The following DPP10 variants were observed in gnomAD, a reference collection of about 807,000 sequenced individuals.
DPP10 encodes dipeptidyl peptidase like 10, also known as inactive dipeptidyl peptidase 10.
Under a neutral mutation model 120.9 loss-of-function variants are expected in DPP10, and 33 were observed. The ratio of observed to expected loss-of-function variants is 0.27; its 90% CI spans 0.21 to 0.37. The LOEUF is 0.37. Ranked by LOEUF, DPP10 falls within the 10% of genes least tolerant of loss-of-function variation. DPP10 has a pLI of 1.00. For missense variants in DPP10, 816 were observed against 942.8 expected (o/e 0.87, Z 1.76); for synonymous variants, 337 against 326.1 (o/e 1.03, Z -0.36).
At chr2:114,697,081 T>C (rs1439654938) in intron 1 of DPP10, among the ~76,000 whole-genome samples, 1 of 152,104 alleles carries the variant, frequency 6.6e-6, no homozygotes, top group Non-Finnish European at 1.5e-5. Flanking sequence ...AGAATGATAG[T>C]GTACCTCCCG....
chr2:115,335,809 A>G (rs74483311), intron 2 of DPP10, among the ~76,000 whole-genome samples: 19 of 152,072 alleles, frequency 1.2e-4, no homozygotes, highest in Admixed American at 9.2e-4. Flanking sequence ...ACCATGGAAA[A>G]TGAAGAATAC....
chr2:114,890,102 T>C (rs1692418249), intron 1 of DPP10, among the ~76,000 whole-genome samples: 1 of 152,236 alleles, frequency 6.6e-6, no homozygotes, highest in Admixed American at 6.5e-5. Flanking sequence ...GAGACAAACA[T>C]GTTTAATGTT....
At chr2:114,812,128 T>C (rs550303541) in intron 1 of DPP10, among the ~76,000 whole-genome samples, 1 of 152,344 alleles carries the variant, frequency 6.6e-6, no homozygotes, top group South Asian at 2.1e-4. Context: ...CACCTACTTT[T>C]AATTTTTAAG....
At chr2:114,637,466 T>C (rs1695382266) in intron 1 of DPP10, among the ~76,000 whole-genome samples, 2 of 151,956 alleles carry the variant, frequency 1.3e-5, no homozygotes, top group Non-Finnish European at 2.9e-5. Flanking sequence ...TTTCAAGTGC[T>C]GTGCAGAAGC....
In DPP10 at chr2:114,901,531, G is replaced by T. The variant is rs564282449; in HGVS notation, c.61-407708G>T. Among the ~76,000 whole-genome samples the T allele has an allele frequency of 9.8e-5, 15 of 152,288 alleles. No individual in the cohort carries two copies. In the East Asian group the frequency reaches 2.9e-3, roughly 29 times the overall value. ...AACTCATTTTAAGAAGGGATGAGAT[G>T]CTGTTGAAGATGAAGCTCATAGTTC... On this transcript the variant is annotated intron_variant, in intron 1 of 25. Coordinates refer to ENST00000410059, the MANE Select transcript of DPP10 (RefSeq NM_020868.6).
chr2:115,258,046 A>G (rs551789940), intron 1 of DPP10, among the ~76,000 whole-genome samples: 10 of 152,176 alleles, frequency 6.6e-5, no homozygotes, highest in Non-Finnish European at 1.0e-4. Context: ...CCTTAAATGG[A>G]AACAGCTGTC....
At chr2:115,307,826 G>A (rs1295899791) in intron 1 of DPP10, among the ~76,000 whole-genome samples, 1 of 152,130 alleles carries the variant, frequency 6.6e-6, no homozygotes, top group Non-Finnish European at 1.5e-5. Flanking sequence ...CTCTAAAGCT[G>A]ATAATTTGGG....
intron 2 of DPP10, among the ~76,000 whole-genome samples, chr2:115,319,046 A>G (rs1204332062): frequency 6.6e-6 from 1 of 152,134 alleles, no homozygotes; most frequent in African/African-American, 2.4e-5. Context: ...GCTTGTTTAG[A>G]TAAAGATTCT....
chr2:114,545,346 G>A (rs967515414), intron 1 of DPP10, among the ~76,000 whole-genome samples: 6 of 151,850 alleles, frequency 4.0e-5, no homozygotes, highest in Admixed American at 6.6e-5. Flanking sequence ...AATTACACAT[G>A]TGGCTGACAC....
intron 1 of DPP10, among the ~76,000 whole-genome samples, chr2:114,683,547 C>CT (rs1699166819): frequency 6.8e-6 from 1 of 147,722 alleles, no homozygotes; most frequent in Admixed American, 6.8e-5. Flanking sequence ...TTCCTTCCTC[C>CT]CTCTCTCTCT....
At chr2:114,546,425 A>G (rs1225083157) in intron 1 of DPP10, among the ~76,000 whole-genome samples, 1 of 152,202 alleles carries the variant, frequency 6.6e-6, no homozygotes, top group East Asian at 1.9e-4. Flanking sequence ...CGAAAAAATC[A>G]TGATCCAATC....
intron 4 of DPP10, among the ~76,000 whole-genome samples, chr2:115,508,191 T>C (rs34003104): frequency 0.21 from 32,259 of 152,072 alleles, 3,931 homozygotes; most frequent in East Asian, 0.39. Context: ...TTAACAAATT[T>C]ATAATAAATA....
rs1185036985 is a variant in DPP10, at chr2:115,081,441, A to G, written c.61-227798A>G. Among the ~76,000 whole-genome samples, 3 of 151,964 alleles carry G rather than the reference A, an allele frequency of 2.0e-5. No homozygotes were observed. In the South Asian group the frequency reaches 6.2e-4, roughly 32 times the overall value. On this transcript the variant is annotated intron_variant, in intron 1 of 25. Coordinates refer to ENST00000410059, the MANE Select transcript of DPP10 (RefSeq NM_020868.6). ...ACAGAGATCTTAATTTCTATGATAT[A>G]TTTTTCCAGAAGATTTTTTAAACCT...
chr2:115,586,020 G>C (rs909888754), intron 5 of DPP10, among the ~76,000 whole-genome samples: 1 of 152,014 alleles, frequency 6.6e-6, no homozygotes, highest in African/African-American at 2.4e-5. Flanking sequence ...CTAGTCATTT[G>C]TTCTTAAAAA....
In DPP10 at chr2:114,559,891, CAAA is replaced by C. The variant is rs60833358; in HGVS notation, c.60+117072_60+117074del. On this transcript the variant is annotated intron_variant, in intron 1 of 25. Coordinates refer to ENST00000410059, the MANE Select transcript of DPP10 (RefSeq NM_020868.6). ...TCATAGACTGCAAGAAGAAAAAAAG[CAAA>C]AAAAAAAAAAAAAAAAAACAAAGGA... 8.5e-3 allele frequency among the ~76,000 whole-genome samples: 559 copies of C among 65,960 alleles called. 3 individuals are homozygous for C. Among genetic ancestry groups the C allele is most frequent in the African/African-American group, 0.024 (488 of 20,626 alleles). The allele number at this position is 65,960 out of a possible 152,430, so 43.3% of individuals were successfully genotyped here.
At chr2:114,696,343 A>G (rs1700065992) in intron 1 of DPP10, among the ~76,000 whole-genome samples, 4 of 152,084 alleles carry the variant, frequency 2.6e-5, no homozygotes, top group South Asian at 2.1e-4. Context: ...ATCTTATACA[A>G]GTTTAAAAGA....
At chr2:115,379,982 C>T (rs1341697726) in intron 3 of DPP10, among the ~76,000 whole-genome samples, 3 of 152,052 alleles carry the variant, frequency 2.0e-5, no homozygotes, top group African/African-American at 4.8e-5. Context: ...AGTATGTGGT[C>T]AATTTTGGAA....
intron 4 of DPP10, among the ~76,000 whole-genome samples, chr2:115,510,975 G>A (rs1026685564): frequency 6.6e-6 from 1 of 152,014 alleles, no homozygotes; most frequent in African/African-American, 2.4e-5. Flanking sequence ...TGATTTTTGT[G>A]TGTTGAATGC....
intron 9 of DPP10, among the ~76,000 whole-genome samples, chr2:115,740,628 A>G (rs1575646630): frequency 6.6e-6 from 1 of 152,196 alleles, no homozygotes; most frequent in Non-Finnish European, 1.5e-5. Context: ...AAATATGGCA[A>G]TATGTTCCAG....
Sources: allele counts gnomAD v4.1 joint callset (sites outside exome capture counted in the v4.1 genomes callset), GRCh38; gene constraint gnomAD v4.1.1; transcripts MANE v1.5; gene names NCBI Gene and HGNC (gene_info 2026-07-23, HGNC 2026-07-21).